The following TET2 variants were observed in gnomAD, a reference collection of about 807,000 sequenced individuals.
TET2 encodes the protein methylcytosine dioxygenase TET2.
TET2 carries 299 observed loss-of-function variants against 142.9 expected under a neutral mutation model. That is an observed-to-expected ratio of 2.09 (90% CI 1.90 to 2.30). TET2 has a LOEUF of 2.30. Among genes scored for constraint, TET2 ranks in the 30% most tolerant of loss-of-function variants. The probability of loss-of-function intolerance (pLI) is 0.00; values close to 1 mark genes in which losing one functional copy is unlikely to be tolerated. For synonymous variants in TET2, 819 were observed against 849.0 expected (o/e 0.96, Z 0.61); for missense variants, 2,418 against 2,378.0 (o/e 1.02, Z -0.35).
chr4:105,272,887 T>A lies in TET2; in HGVS notation c.4506T>A (p.Thr1502=), dbSNP rs1259962857. 3.2e-6 allele frequency: 5 copies of A among 1,543,358 alleles called. No homozygotes were observed. Among genetic ancestry groups the A allele is most frequent in the Non-Finnish European group, 4.4e-6 (5 of 1,144,380 alleles). The change falls in exon 10 of 11, where the codon ACT becomes ACA. Residue 1502 remains threonine, a synonymous_variant. Transcript: ENST00000380013. The part of the protein sequence containing the change: ...EKSAPSRTKQ[T]ENASQAKQLA... ...CAGCCCCATCACGTACAAAACAAAC[T>A]GAAAACGCAAGCCAGGCTAAACAGT...
At position 105,279,614 on chromosome 4, in the gene TET2, T is replaced by G. The variant is rs1731368349; in HGVS notation, c.*3095T>G. The G allele has an allele frequency of 4.3e-6, 1 of 232,066 alleles. No homozygotes were observed. Among genetic ancestry groups the G allele is most frequent in the South Asian group, 1.8e-4 (1 of 5,524 alleles). The allele number at this position is 232,066 out of a possible 1,614,324, so 14.4% of individuals were successfully genotyped here. On this transcript the variant is annotated 3_prime_UTR_variant, in exon 11 of 11. Transcript: ENST00000380013. ...ACTTCTGTGTGCATTTTTCTATGCTTTTTTAAAAACTAGTTTCATTTCATT... is the reference window on the plus strand; with the variant it reads ...ACTTCTGTGTGCATTTTTCTATGCTGTTTTAAAAACTAGTTTCATTTCATT...
chr4:105,191,487 G>C (rs1725784370), intron 2 of TET2, among the ~76,000 whole-genome samples: 1 of 151,940 alleles, frequency 6.6e-6, no homozygotes. Context: ...CTCTGGATTA[G>C]ATAGAAAAAA....
rs747440023 is a variant in TET2, at chr4:105,236,781, CAAA to C, written c.2841_2843del (p.Lys948del). On this transcript the variant is annotated inframe_deletion, in exon 3 of 11. Transcript: ENST00000380013. Reference sequence around the variant, plus strand: ...TCAGACCCCTCCCCAGAAGGACACTCAAAAGCATGCTGCTCTAAGGTGGCATCT... The same window carrying C: ...TCAGACCCCTCCCCAGAAGGACACTCAGCATGCTGCTCTAAGGTGGCATCT... 2.5e-6 allele frequency: 4 copies of C among 1,614,118 alleles called. No individual in the cohort carries two copies. Among genetic ancestry groups the C allele is most frequent in the Non-Finnish European group, 3.4e-6 (4 of 1,179,996 alleles).
chr4:105,272,583 A>G lies in TET2; in HGVS notation c.4202A>G (p.Glu1401Gly). 1 of 1,541,378 alleles carries G rather than the reference A, an allele frequency of 6.5e-7. No homozygotes were observed. The highest frequency in any genetic ancestry group is 8.8e-7 in the Non-Finnish European group (1 of 1,142,830). The change falls in exon 10 of 11, where the codon GAA becomes GGA. Residue 1401 changes from glutamate (E) to glycine (G), a missense_variant. Coordinates refer to ENST00000380013, the MANE Select transcript of TET2 (RefSeq NM_001127208.3). ...TACCAGGTATGCACTCTCACTAGAG[A>G]AGACAATCGAGAATTTGGAGGAAAA... ...GSTLVCTLTREDNREFGGKPE... is the reference protein window; with the variant it reads ...GSTLVCTLTRGDNREFGGKPE...
rs1728970803 is a variant in TET2, at chr4:105,236,960, A to T, written c.3018A>T (p.Val1006=). The change falls in exon 3 of 11, where the codon GTA becomes GTT. Residue 1006 remains valine (V), a synonymous_variant. Transcript: ENST00000380013. ...APPENKTWKK[V]TKQENPPASC... ...CAGAAAACAAAACATGGAAAAAGGT[A>T]ACTAAGCAAGAGAATCCACCTGCAA... 15 of 1,614,132 alleles carry T rather than the reference A, an allele frequency of 9.3e-6. No individual in the cohort carries two copies. The highest frequency in any genetic ancestry group is 1.3e-5 in the Non-Finnish European group (15 of 1,180,022).
chr4:105,231,796 A>G (rs748699659), intron 2 of TET2, among the ~76,000 whole-genome samples: 28 of 152,172 alleles, frequency 1.8e-4, no homozygotes, highest in Non-Finnish European at 2.4e-4. Context: ...CACCTTATAC[A>G]ATGGATTAAT....
chr4:105,188,263 A>G (rs529779344), intron 1 of TET2, among the ~76,000 whole-genome samples: 1 of 152,372 alleles, frequency 6.6e-6, no homozygotes, highest in Non-Finnish European at 1.5e-5. Flanking sequence ...GAATAAGCCA[A>G]TCACACAAAG....
At chr4:105,184,288 A>G (rs1205422313) in intron 1 of TET2, among the ~76,000 whole-genome samples, 1 of 152,206 alleles carries the variant, frequency 6.6e-6, no homozygotes, top group African/African-American at 2.4e-5. Flanking sequence ...ATCTATACAC[A>G]ATGCCTTGTG....
At chr4:105,217,286 TA>T (rs1727554315) in intron 2 of TET2, among the ~76,000 whole-genome samples, 1 of 151,930 alleles carries the variant, frequency 6.6e-6, no homozygotes, top group Admixed American at 6.6e-5. Flanking sequence ...TGGAAGAAGA[TA>T]GTTTAGTTTT....
At chr4:105,266,879 TCTCAGCAG>T (rs1402741744) in intron 8 of TET2, among the ~76,000 whole-genome samples, 11 of 152,038 alleles carry the variant, frequency 7.2e-5, no homozygotes, top group African/African-American at 2.6e-4. Flanking sequence ...AACCCACAGA[TCTCAGCAG>T]CTCAGCAAAC....
chr4:105,275,103 AC>A lies in TET2; in HGVS notation c.4594del (p.Gln1532ArgfsTer39). 1 of 1,551,010 alleles carries A rather than the reference AC, an allele frequency of 6.4e-7. No individual in the cohort carries two copies. The highest frequency in any genetic ancestry group is 8.7e-7 in the Non-Finnish European group (1 of 1,146,614). On this transcript the variant is annotated frameshift_variant, in exon 11 of 11. Coordinates refer to ENST00000380013, the MANE Select transcript of TET2 (RefSeq NM_001127208.3). LOFTEE classifies it low-confidence loss of function (END_TRUNC). ...MQQSQQPQPL[Q>X]KQPPQPQQQQ... is the part of the protein sequence containing the mutation. ...AGCAGTCCCAGCAGCCCCAGCCTCT[AC>A]AGAAGCAGCCACCACAGCCCCAGCA...
rs527895107 is a variant in TET2 at position 105,275,342 on chromosome 4, C to T, written c.4832C>T (p.Ser1611Phe). 6.4e-7 allele frequency: 1 copy of T among 1,551,774 alleles called. No homozygotes were observed. The highest frequency in any genetic ancestry group is 8.7e-7 in the Non-Finnish European group (1 of 1,146,992). Reference sequence around the variant, plus strand: ...CAAGCTGCAGGTTCATATTTGAATTCTTCTAATCCCATGAACCCTTACCCT... The same window carrying T: ...CAAGCTGCAGGTTCATATTTGAATTTTTCTAATCCCATGAACCCTTACCCT... The part of the protein sequence containing the change: ...SSQAAGSYLN[S>F]SNPMNPYPGL... The change falls in exon 11 of 11, where the codon TCT becomes TTT. Residue 1611 changes from serine (S) to phenylalanine (F), a missense_variant. Coordinates refer to ENST00000380013, the MANE Select transcript of TET2 (RefSeq NM_001127208.3).
At chr4:105,179,265 G>A (rs1205785819) in intron 1 of TET2, among the ~76,000 whole-genome samples, 1 of 152,158 alleles carries the variant, frequency 6.6e-6, no homozygotes, top group Non-Finnish European at 1.5e-5. Context: ...ATTTCAAGTT[G>A]TCTTTTTGAC....
At chr4:105,170,966 A>G (rs111825817) in intron 1 of TET2, among the ~76,000 whole-genome samples, 2,097 of 152,308 alleles carry the variant, frequency 0.014, 30 homozygotes, top group Middle Eastern at 0.058. Context: ...CTTCTACACT[A>G]GGAGAAATTG....
intron 2 of TET2, among the ~76,000 whole-genome samples, chr4:105,214,998 G>C (rs920349728): frequency 6.6e-6 from 1 of 152,120 alleles, no homozygotes; most frequent in African/African-American, 2.4e-5. Context: ...TCTGTGGCAG[G>C]AGCATCTTGG....
At chr4:105,163,854 A>AGAGAGT (rs1553942671) in intron 1 of TET2, among the ~76,000 whole-genome samples, 58 of 85,234 alleles carry the variant, frequency 6.8e-4, no homozygotes, top group South Asian at 5.1e-3. Context: ...AGAGAGAGAG[A>AGAGAGT]GTGTGTGTGT....
rs1729431416 is a variant in TET2 at position 105,243,711 on chromosome 4, TCGGAG to T, written c.3738_3742del (p.Glu1247TyrfsTer19). 1 of 1,551,438 alleles carries T rather than the reference TCGGAG, an allele frequency of 6.4e-7. No individual in the cohort carries two copies. Among genetic ancestry groups the T allele is most frequent in the Admixed American group, 2.0e-5 (1 of 50,970 alleles). On this transcript the variant is annotated frameshift_variant, in exon 6 of 11. Transcript: ENST00000380013. LOFTEE classifies it high-confidence loss of function. ...GCTGTCTCTGGCTGACAAACTCTAC[TCGGAG>T]CTTACCGAGACGCTGAGGAAATACG...
In TET2 at chr4:105,202,933, C is replaced by A. The variant is rs377561707; in HGVS notation, c.-47+12428C>A. Among the ~76,000 whole-genome samples the A allele has an allele frequency of 5.3e-5, 8 of 152,254 alleles. No individual in the cohort carries two copies. In the East Asian group the frequency reaches 7.7e-4, roughly 15 times the overall value. ...AATATAAACATTTCCTGGAACAGGG[C>A]AGAGTATGAGTAATAAGGTATCAAA... On this transcript the variant is annotated intron_variant, in intron 2 of 10. Transcript: ENST00000380013.
intron 1 of TET2, among the ~76,000 whole-genome samples, chr4:105,180,050 T>C (rs1302047906): frequency 6.6e-6 from 1 of 152,240 alleles, no homozygotes; most frequent in African/African-American, 2.4e-5. Context: ...ACAGTAGTTA[T>C]GCCTTTCTGG....
Sources: allele counts gnomAD v4.1 joint callset (sites outside exome capture counted in the v4.1 genomes callset), GRCh38; gene constraint gnomAD v4.1.1; transcripts MANE v1.5; gene names NCBI Gene and HGNC (gene_info 2026-07-23, HGNC 2026-07-21).